Variants in DIAPH3 observed in about 807,000 individuals in gnomAD.
DIAPH3 encodes the protein protein diaphanous homolog 3.
A neutral mutation model predicts 144.3 loss-of-function variants in DIAPH3; 117 were observed. The ratio of observed to expected loss-of-function variants is 0.81; its 90% CI spans 0.70 to 0.95. DIAPH3 has a LOEUF of 0.95. Ranked by LOEUF, DIAPH3 falls within the 40% of genes least tolerant of loss-of-function variation. DIAPH3 has a pLI of 0.00. For synonymous variants in DIAPH3, 519 were observed against 488.9 expected, an observed-to-expected ratio of 1.06 and a Z score of -0.81; for missense variants, 1,421 against 1,412.7, an observed-to-expected ratio of 1.01 and a Z score of -0.09.
intron 4 of DIAPH3, among the ~76,000 whole-genome samples, chr13:60,078,328 A>T (rs1696832345): frequency 6.6e-6 from 1 of 152,152 alleles, no homozygotes; most frequent in African/African-American, 2.4e-5. Context: ...AATGTGACTA[A>T]AGAGAGAACA....
At position 59,957,149 on chromosome 13, in the gene DIAPH3, T is replaced by C. The variant is rs561536271; in HGVS notation, c.2074+12795A>G. Among the ~76,000 whole-genome samples, 92 of 152,280 alleles carry C rather than the reference T, an allele frequency of 6.0e-4. 1 individual carries two copies. The highest frequency in any genetic ancestry group is 3.3e-3 in the South Asian group (16 of 4,824). ...AATGAGTTAAGACTTTGGGAGACTG[T>C]TGGGAAGACATGATTGGTTTTGAAA... On this transcript the variant is annotated intron_variant, in intron 17 of 27. Coordinates refer to ENST00000400324, the MANE Select transcript of DIAPH3 (RefSeq NM_001042517.2).
chr13:60,122,805 T>A (rs1447738081), intron 2 of DIAPH3, among the ~76,000 whole-genome samples: 2 of 151,848 alleles, frequency 1.3e-5, no homozygotes, highest in African/African-American at 2.4e-5. Context: ...TATAAGGTAA[T>A]AAGAAAAATA....
chr13:59,776,944 A>ACAAACAAT (rs1306120898), intron 25 of DIAPH3, among the ~76,000 whole-genome samples: 1 of 146,094 alleles, frequency 6.8e-6, no homozygotes, highest in Non-Finnish European at 1.5e-5. Context: ...AAACAAACAA[A>ACAAACAAT]CAAACAAAAA....
chr13:59,976,990 G>A (rs746133117), intron 14 of DIAPH3, among the ~76,000 whole-genome samples: 3 of 151,752 alleles, frequency 2.0e-5, no homozygotes, highest in Non-Finnish European at 4.4e-5. Flanking sequence ...AACTATCAGT[G>A]ACTTCATTAT....
intron 4 of DIAPH3, among the ~76,000 whole-genome samples, chr13:60,081,081 C>A (rs1274944018): frequency 1.3e-5 from 2 of 151,864 alleles, no homozygotes; most frequent in Admixed American, 6.6e-5. Flanking sequence ...TGATTTCCTG[C>A]TGTGATAGAT....
intron 21 of DIAPH3, among the ~76,000 whole-genome samples, chr13:59,870,420 T>G (rs2044188017): frequency 6.6e-6 from 1 of 152,048 alleles, no homozygotes; most frequent in African/African-American, 2.4e-5. Flanking sequence ...GATTTCCAAC[T>G]TAGTTCTTCT....
chr13:60,071,707 T>C (rs1245845780), intron 4 of DIAPH3, among the ~76,000 whole-genome samples: 1 of 152,212 alleles, frequency 6.6e-6, no homozygotes, highest in Non-Finnish European at 1.5e-5. Context: ...TAGTATGAAC[T>C]GGTTCAAACT....
chr13:59,675,527 G>A (rs1278871266), intron 27 of DIAPH3, among the ~76,000 whole-genome samples: 2 of 151,990 alleles, frequency 1.3e-5, no homozygotes, highest in Non-Finnish European at 2.9e-5. Flanking sequence ...TGGGACTATA[G>A]GCGCCCGCCA....
intron 27 of DIAPH3, among the ~76,000 whole-genome samples, chr13:59,733,634 G>T (rs1468168719): frequency 6.6e-6 from 1 of 152,110 alleles, no homozygotes; most frequent in South Asian, 2.1e-4. Context: ...CGCCCTTTAG[G>T]TTTCTGATAT....
At chr13:59,893,307 G>A (rs560997387) in intron 20 of DIAPH3, among the ~76,000 whole-genome samples, 11 of 152,192 alleles carry the variant, frequency 7.2e-5, no homozygotes, top group Admixed American at 3.9e-4. Context: ...AACCCCTGCC[G>A]TACTTTCAGA....
chr13:60,137,318 T>C (rs2059310236), intron 1 of DIAPH3, among the ~76,000 whole-genome samples: 2 of 152,358 alleles, frequency 1.3e-5, no homozygotes, highest in Middle Eastern at 3.4e-3. Flanking sequence ...AAAACTTTTA[T>C]TGAAGATAGT....
At chr13:60,072,531 A>G (rs1331047411) in intron 4 of DIAPH3, among the ~76,000 whole-genome samples, 1 of 152,218 alleles carries the variant, frequency 6.6e-6, no homozygotes, top group African/African-American at 2.4e-5. Flanking sequence ...ACTTTCATAT[A>G]TATGAACATT....
rs1555274392 is a variant in DIAPH3 at position 59,697,491 on chromosome 13, A to AAAAAAAAAAAAAAG, written c.3320-30646_3320-30645insCTTTTTTTTTTTTT. On this transcript the variant is annotated intron_variant, in intron 27 of 27. Coordinates refer to ENST00000400324, the MANE Select transcript of DIAPH3 (RefSeq NM_001042517.2). The stretch of plus-strand genomic sequence containing the variant: ...AAAAAAAAAAAAAAAAAAAAAAAAA[A>AAAAAAAAAAAAAAG]AAGAAGAGGGGATTCAACTCATATA... Among the ~76,000 whole-genome samples, 38 of 78,072 alleles carry AAAAAAAAAAAAAAG rather than the reference A, an allele frequency of 4.9e-4. 1 individual carries two copies. Among genetic ancestry groups the AAAAAAAAAAAAAAG allele is most frequent in the African/African-American group, 5.3e-4 (12 of 22,600 alleles). The allele number at this position is 78,072 out of a possible 152,430, so 51.2% of individuals were successfully genotyped here.
chr13:59,963,698 A>G (rs539170691), intron 17 of DIAPH3, among the ~76,000 whole-genome samples: 1 of 152,192 alleles, frequency 6.6e-6, no homozygotes, highest in Non-Finnish European at 1.5e-5. Flanking sequence ...TTTCTTCTTA[A>G]ATAGAGACAG....
intron 27 of DIAPH3, among the ~76,000 whole-genome samples, chr13:59,748,362 T>C (rs757774561): frequency 6.6e-6 from 1 of 152,158 alleles, no homozygotes; most frequent in Non-Finnish European, 1.5e-5. Context: ...TGCAATACAT[T>C]GCAAGGTTTT....
chr13:59,767,396 CA>C (rs1174935434), intron 27 of DIAPH3, among the ~76,000 whole-genome samples: 1 of 151,828 alleles, frequency 6.6e-6, no homozygotes, highest in African/African-American at 2.4e-5. Flanking sequence ...AATCAGTAAT[CA>C]AACGACAAAA....
rs532677885 is a variant in DIAPH3 at position 60,146,044 on chromosome 13, C to T, written c.181-13055G>A. Among the ~76,000 whole-genome samples the T allele has an allele frequency of 1.6e-4, 10 of 64,248 alleles. No homozygotes were observed. In the South Asian group the frequency reaches 4.7e-3, roughly 30 times the overall value. The allele number at this position is 64,248 out of a possible 152,430, so 42.1% of individuals were successfully genotyped here. On this transcript the variant is annotated intron_variant, in intron 1 of 27. Coordinates refer to ENST00000400324, the MANE Select transcript of DIAPH3 (RefSeq NM_001042517.2). The stretch of plus-strand genomic sequence containing the variant: ...TTAAGTTTTCTTGTATAATTTAATA[C>T]TACTTATTACACCCTCTAAGTTGTT...
At chr13:60,058,652 G>T (rs1041264625) in intron 4 of DIAPH3, among the ~76,000 whole-genome samples, 1 of 151,912 alleles carries the variant, frequency 6.6e-6, no homozygotes, top group Admixed American at 6.6e-5. Context: ...AGAAAATGTG[G>T]TGTGTTGGTG....
At chr13:60,031,120 A>G (rs1222211584) in intron 5 of DIAPH3, among the ~76,000 whole-genome samples, 1 of 152,182 alleles carries the variant, frequency 6.6e-6, no homozygotes, top group Non-Finnish European at 1.5e-5. Context: ...TGGCGCCAGC[A>G]TCTCCTCTGC....
Sources: allele counts gnomAD v4.1 joint callset (sites outside exome capture counted in the v4.1 genomes callset), GRCh38; gene constraint gnomAD v4.1.1; transcripts MANE v1.5; gene names NCBI Gene and HGNC (gene_info 2026-07-23, HGNC 2026-07-21).